L3HYPDH: variants seen among roughly 807,000 people sequenced by gnomAD.
L3HYPDH encodes the protein trans-3-hydroxy-L-proline dehydratase.
A neutral mutation model predicts 26.5 loss-of-function variants in L3HYPDH; 32 were observed. That is an observed-to-expected ratio of 1.21 (90% CI 0.91 to 1.62). The LOEUF (loss-of-function observed/expected upper bound fraction) is 1.62. L3HYPDH is among the 40% of genes most tolerant of loss of function. The pLI is 0.00. For synonymous variants in L3HYPDH, 215 were observed against 196.6 expected (o/e 1.09, Z -0.78); for missense variants, 554 against 476.4 (o/e 1.16, Z -1.52).
the L3HYPDH span, among the ~76,000 whole-genome samples, chr14:59,500,311 TC>T: frequency 2.6e-5 from 4 of 152,220 alleles, no homozygotes; most frequent in African/African-American, 9.6e-5. Context: ...TTGAAATTGT[TC>T]CAAATGGGTT....
the L3HYPDH span, among the ~76,000 whole-genome samples, chr14:59,493,350 T>C: frequency 6.6e-6 from 1 of 152,176 alleles, no homozygotes; most frequent in Non-Finnish European, 1.5e-5. Context: ...GCCATGTGAG[T>C]TAGTCCTTTT....
chr14:59,483,744 G>A (rs1177638071), intron 1 of L3HYPDH, 65 bp downstream of exon 1: 2 of 1,552,662 alleles, frequency 1.3e-6, no homozygotes, highest in Non-Finnish European at 1.7e-6. Flanking sequence ...CAGAAAAACC[G>A]TTAATGTAGT....
the L3HYPDH span, among the ~76,000 whole-genome samples, chr14:59,502,776 G>C: frequency 1.9e-5 from 1 of 53,614 alleles, no homozygotes; most frequent in African/African-American, 1.4e-4. Context: ...TTTTTTTTCG[G>C]AGTCTCACTC....
downstream of L3HYPDH, among the ~76,000 whole-genome samples, chr14:59,471,885 G>A (rs942697359): frequency 1.3e-5 from 2 of 152,138 alleles, no homozygotes; most frequent in African/African-American, 4.8e-5. Flanking sequence ...ATTCTGTGGA[G>A]AATGAGTGAA....
the L3HYPDH span, among the ~76,000 whole-genome samples, chr14:59,502,761 T>TTTTCTTTGTTTTTG: frequency 2.2e-5 from 1 of 45,282 alleles, no homozygotes; most frequent in Non-Finnish European, 4.4e-5. Flanking sequence ...TTTTTTTTTT[T>TTTTCTTTGTTTTTG]TTTTTTTTTT....
upstream of L3HYPDH, chr14:59,484,429 C>T: frequency 7.4e-7 from 1 of 1,359,028 alleles, no homozygotes; most frequent in Admixed American, 2.0e-5. Flanking sequence ...GTCCGGGGGG[C>T]GGGGTCTCGG....
At chr14:59,501,222 A>G in the L3HYPDH span, 1 of 1,605,250 alleles carries the variant, frequency 6.2e-7, no homozygotes, top group South Asian at 1.1e-5. Flanking sequence ...TATTAGTGTT[A>G]TCTTTGGTTA....
At chr14:59,497,551 T>A in the L3HYPDH span, among the ~76,000 whole-genome samples, 1 of 152,232 alleles carries the variant, frequency 6.6e-6, no homozygotes, top group East Asian at 1.9e-4. Flanking sequence ...TTTCTTTTGC[T>A]GTTGATAAGA....
At chr14:59,494,364 A>T in the L3HYPDH span, among the ~76,000 whole-genome samples, 4 of 152,250 alleles carry the variant, frequency 2.6e-5, no homozygotes, top group Non-Finnish European at 5.9e-5. Context: ...TGGAATCCTA[A>T]CACAATAGCG....
chr14:59,473,151 A>C (rs1889383780), intron 4 of L3HYPDH, 61 bp from the exon 5 acceptor site: 19 of 1,459,458 alleles, frequency 1.3e-5, no homozygotes, highest in Non-Finnish European at 1.7e-5. Context: ...ATCTGGCTTG[A>C]AAACTGTACT....
At chr14:59,480,452 C>A (rs1566564225) in intron 1 of L3HYPDH, among the ~76,000 whole-genome samples, 1 of 152,192 alleles carries the variant, frequency 6.6e-6, no homozygotes, top group Non-Finnish European at 1.5e-5. Context: ...GAAGTGCCAT[C>A]CTCTCCAAGG....
chr14:59,482,721 G>T (rs1890117466), intron 1 of L3HYPDH, among the ~76,000 whole-genome samples: 1 of 152,192 alleles, frequency 6.6e-6, no homozygotes, highest in Non-Finnish European at 1.5e-5. Context: ...AAAAGTGCCT[G>T]TTCTATCAGT....
chr14:59,502,874 C>T, the L3HYPDH span, among the ~76,000 whole-genome samples: 1 of 147,442 alleles, frequency 6.8e-6, no homozygotes, highest in Non-Finnish European at 1.5e-5. Context: ...GCCTCAGCTT[C>T]CTGAGTAGCT....
upstream of L3HYPDH, among the ~76,000 whole-genome samples, chr14:59,489,245 T>C (rs560958284): frequency 2.5e-4 from 38 of 152,378 alleles, no homozygotes; most frequent in African/African-American, 9.1e-4. Context: ...TATCTGATCA[T>C]AGGCTGTTAG....
upstream of L3HYPDH, chr14:59,484,694 G>A (rs532650175): frequency 4.3e-6 from 6 of 1,400,780 alleles, no homozygotes; most frequent in East Asian, 1.2e-4. Context: ...GCCTTCGGTT[G>A]GCGGCGCAGG....
the L3HYPDH span, among the ~76,000 whole-genome samples, chr14:59,497,535 A>AT: frequency 2.0e-4 from 31 of 152,114 alleles, no homozygotes; most frequent in Admixed American, 1.8e-3. Flanking sequence ...AAATGGACAG[A>AT]TTTTTTTTCT....
intron 2 of L3HYPDH, among the ~76,000 whole-genome samples, chr14:59,477,386 G>A (rs2139812525): frequency 1.3e-5 from 2 of 152,324 alleles, no homozygotes; most frequent in South Asian, 4.1e-4. Flanking sequence ...AGTGTGAATA[G>A]TCAACAGTTC....
chr14:59,500,929 A>T, the L3HYPDH span: 1 of 355,678 alleles, frequency 2.8e-6, no homozygotes, highest in Non-Finnish European at 5.0e-6. Flanking sequence ...CCATTCATGT[A>T]TGTATTCTCT....
At chr14:59,470,745 T>A (rs1311756123), downstream of L3HYPDH, among the ~76,000 whole-genome samples, 1 of 152,012 alleles carries the variant, frequency 6.6e-6, no homozygotes, top group African/African-American at 2.4e-5. Context: ...AGAAGCCAGA[T>A]TGCAGTAGTT....
Sources: allele counts gnomAD v4.1 joint callset (sites outside exome capture counted in the v4.1 genomes callset), GRCh38; gene constraint gnomAD v4.1.1; transcripts MANE v1.5; gene names NCBI Gene and HGNC (gene_info 2026-07-23, HGNC 2026-07-21).